The following ABLIM3 variants were observed in gnomAD, a reference collection of about 807,000 sequenced individuals.
ABLIM3 encodes actin-binding LIM protein 3.
A neutral mutation model predicts 109.5 loss-of-function variants in ABLIM3; 61 were observed. The ratio of observed to expected loss-of-function variants is 0.56; its 90% CI spans 0.45 to 0.69. ABLIM3 has a LOEUF of 0.69. Among genes scored for constraint, ABLIM3 ranks in the 30% least tolerant of loss-of-function variants. The probability of loss-of-function intolerance (pLI) is 0.00; values close to 1 mark genes in which losing one functional copy is unlikely to be tolerated. For synonymous variants in ABLIM3, 300 were observed against 324.8 expected (o/e 0.92, Z 0.82); for missense variants, 796 against 889.5 (o/e 0.89, Z 1.34).
At chr5:149,214,643 C>T (rs1021911734) in intron 7 of ABLIM3, among the ~76,000 whole-genome samples, 1 of 152,208 alleles carries the variant, frequency 6.6e-6, no homozygotes, top group Non-Finnish European at 1.5e-5. Context: ...GCAGGAACAA[C>T]AGTCGCCCAA....
At chr5:149,164,330 A>G (rs997037691) in intron 2 of ABLIM3, 5 of 152,234 alleles carry the variant, frequency 3.3e-5, no homozygotes, top group African/African-American at 7.2e-5. Flanking sequence ...GGTGTGTCCA[A>G]ATGTTTGTTG....
intron 7 of ABLIM3, among the ~76,000 whole-genome samples, chr5:149,211,564 T>C (rs1759555355): frequency 6.6e-6 from 1 of 152,182 alleles, no homozygotes; most frequent in Admixed American, 6.5e-5. Context: ...AGTAAGTATC[T>C]TTGCTTTTCT....
At chr5:149,145,388 A>G (rs915104500) in intron 2 of ABLIM3, among the ~76,000 whole-genome samples, 5 of 152,198 alleles carry the variant, frequency 3.3e-5, no homozygotes, top group African/African-American at 1.2e-4. Context: ...TACCCAGTAC[A>G]CTGTTGATAA....
intron 9 of ABLIM3, among the ~76,000 whole-genome samples, chr5:149,232,476 C>T (rs190754454): frequency 1.3e-5 from 2 of 152,278 alleles, no homozygotes; most frequent in Admixed American, 6.5e-5. Context: ...TTCCCAGAAC[C>T]ACCGCTAGTT....
intron 8 of ABLIM3, chr5:149,218,880 G>C (rs1262150488): frequency 6.6e-6 from 1 of 152,422 alleles, no homozygotes; most frequent in Non-Finnish European, 1.5e-5. Context: ...CTGTGCTCCT[G>C]GCACTTGTCC....
At chr5:149,215,401 T>C (rs774578632) in intron 7 of ABLIM3, among the ~76,000 whole-genome samples, 11 of 152,094 alleles carry the variant, frequency 7.2e-5, no homozygotes, top group Non-Finnish European at 1.5e-4. Flanking sequence ...AAAAGGAATA[T>C]TGGAGATTTT....
At chr5:149,189,648 C>A (rs1757295599) in intron 3 of ABLIM3, among the ~76,000 whole-genome samples, 1 of 152,154 alleles carries the variant, frequency 6.6e-6, no homozygotes, top group Admixed American at 6.5e-5. Context: ...AATCAAACCA[C>A]AATGAGATGC....
intron 10 of ABLIM3, among the ~76,000 whole-genome samples, chr5:149,235,818 T>G (rs568011384): frequency 4.6e-5 from 7 of 152,270 alleles, no homozygotes; most frequent in Admixed American, 3.3e-4. Context: ...AGAGTTCAAC[T>G]GAGGAAGGTT....
chr5:149,188,610 G>A (rs1757198264), intron 3 of ABLIM3, among the ~76,000 whole-genome samples: 1 of 152,212 alleles, frequency 6.6e-6, no homozygotes, highest in Non-Finnish European at 1.5e-5. Flanking sequence ...ATGGCAGAGA[G>A]AGAAAGGGAG....
chr5:149,184,760 C>T (rs1427610731), intron 3 of ABLIM3, among the ~76,000 whole-genome samples: 1 of 152,168 alleles, frequency 6.6e-6, no homozygotes, highest in African/African-American at 2.4e-5. Context: ...CTTTTTATTT[C>T]AGTAACTGCC....
intron 2 of ABLIM3, among the ~76,000 whole-genome samples, chr5:149,174,041 A>AG (rs1469535146): frequency 6.6e-6 from 1 of 150,986 alleles, no homozygotes; most frequent in Non-Finnish European, 1.5e-5. Flanking sequence ...AAAAAAAAAA[A>AG]AAAAGAAGTA....
intron 10 of ABLIM3, among the ~76,000 whole-genome samples, chr5:149,234,306 C>G (rs1762143813): frequency 6.6e-6 from 1 of 152,192 alleles, no homozygotes; most frequent in Non-Finnish European, 1.5e-5. Context: ...AAACCTCAAT[C>G]TGATTGACTC....
intron 7 of ABLIM3, among the ~76,000 whole-genome samples, chr5:149,211,186 T>G (rs536742780): frequency 6.6e-6 from 1 of 152,124 alleles, no homozygotes; most frequent in African/African-American, 2.4e-5. Flanking sequence ...TTATTTTGTT[T>G]GTTTGTTTGT....
chr5:149,252,148 A>G, intron 21 of ABLIM3, 53 bp from the exon 22 acceptor site: 3 of 1,610,636 alleles, frequency 1.9e-6, no homozygotes, highest in Non-Finnish European at 2.5e-6. Flanking sequence ...AGTGATGCAA[A>G]GCAAAGACTG....
At chr5:149,200,511 A>C in intron 5 of ABLIM3, 83 bp downstream of exon 5, 1 of 1,425,734 alleles carries the variant, frequency 7.0e-7, no homozygotes, top group Non-Finnish European at 9.8e-7. Flanking sequence ...AACTGCTCCC[A>C]CGGGCCTGGA....
intron 3 of ABLIM3, among the ~76,000 whole-genome samples, chr5:149,191,495 T>G (rs1028164679): frequency 6.6e-6 from 1 of 152,122 alleles, no homozygotes; most frequent in African/African-American, 2.4e-5. Flanking sequence ...CTACAAAACA[T>G]TCAAAAACAA....
chr5:149,172,605 G>C (rs770016043), intron 2 of ABLIM3, among the ~76,000 whole-genome samples: 14 of 152,170 alleles, frequency 9.2e-5, no homozygotes, highest in African/African-American at 1.2e-4. Context: ...CTGTCTGGAT[G>C]CAGAGACCCC....
At chr5:149,194,958 CTATG>C (rs1478078921) in intron 3 of ABLIM3, among the ~76,000 whole-genome samples, 1 of 152,074 alleles carries the variant, frequency 6.6e-6, no homozygotes, top group African/African-American at 2.4e-5. Flanking sequence ...TACATTTTCT[CTATG>C]TATAATATAT....
intron 8 of ABLIM3, among the ~76,000 whole-genome samples, chr5:149,226,573 G>T (rs752393768): frequency 6.6e-6 from 1 of 152,206 alleles, no homozygotes; most frequent in Non-Finnish European, 1.5e-5. Flanking sequence ...CCACGTCAAG[G>T]AGTGGGAAGG....
Sources: gnomAD v4.1 joint callset for allele counts (sites outside exome capture counted in the v4.1 genomes callset) on GRCh38, gnomAD v4.1.1 for gene constraint, MANE v1.5 for transcripts, NCBI Gene and HGNC (gene_info 2026-07-23, HGNC 2026-07-21) for gene names.